The following RHOBTB2 variants were observed in gnomAD, a reference collection of about 807,000 sequenced individuals.
RHOBTB2 encodes Rho related BTB domain containing 2.
RHOBTB2 carries 39 observed loss-of-function variants against 66.5 expected under a neutral mutation model. That is an observed-to-expected ratio of 0.59 (90% CI 0.45 to 0.77). RHOBTB2 has a LOEUF of 0.77. Ranked by LOEUF, RHOBTB2 falls within the 30% of genes least tolerant of loss-of-function variation. The probability of loss-of-function intolerance (pLI) is 0.00; values close to 1 mark genes in which losing one functional copy is unlikely to be tolerated. For synonymous variants in RHOBTB2, 390 were observed against 395.0 expected, an observed-to-expected ratio of 0.99 and a Z score of 0.15; for missense variants, 755 against 999.1, an observed-to-expected ratio of 0.76 and a Z score of 3.29.
the RHOBTB2 span, among the ~76,000 whole-genome samples, chr8:22,954,712 T>C: frequency 1.3e-5 from 2 of 152,294 alleles, no homozygotes; most frequent in Non-Finnish European, 2.9e-5. Flanking sequence ...TTTAGAATAA[T>C]ATGCAGGAGA....
chr8:23,009,989 G>T (rs577583195), intron 6 of RHOBTB2, among the ~76,000 whole-genome samples: 1 of 152,356 alleles, frequency 6.6e-6, no homozygotes, highest in East Asian at 1.9e-4. Flanking sequence ...CAGACAGAAA[G>T]AAATCAGCTG....
intron 6 of RHOBTB2, among the ~76,000 whole-genome samples, chr8:23,008,855 G>A (rs1811049332): frequency 6.6e-6 from 1 of 152,108 alleles, no homozygotes; most frequent in South Asian, 2.1e-4. Context: ...GGGAACAGTG[G>A]CCTGGAGTGT....
At chr8:23,005,838 G>A (rs1441276294) in intron 3 of RHOBTB2, 122 bp from the exon 4 acceptor site, 4 of 831,348 alleles carry the variant, frequency 4.8e-6, no homozygotes, top group African/African-American at 3.4e-5. Flanking sequence ...TGTGTCAAGA[G>A]CACGTGAGCA....
intron 1 of RHOBTB2, among the ~76,000 whole-genome samples, chr8:22,988,153 C>CTTTTTTTT (rs34922844): frequency 2.6e-5 from 2 of 78,110 alleles, no homozygotes; most frequent in Non-Finnish European, 5.1e-5. Flanking sequence ...GCTCCTTCCC[C>CTTTTTTTT]TTTTTTTTTT....
chr8:22,987,281 G>A (rs1431345458), upstream of RHOBTB2: 1 of 152,404 alleles, frequency 6.6e-6, no homozygotes, highest in Non-Finnish European at 1.5e-5. Context: ...TCCGGTCTAG[G>A]TGGTTTATCT....
intron 2 of RHOBTB2, among the ~76,000 whole-genome samples, chr8:22,994,405 C>A (rs957028728): frequency 3.9e-5 from 6 of 152,212 alleles, no homozygotes; most frequent in Non-Finnish European, 8.8e-5. Context: ...GGGTCTCACC[C>A]CGCGCTGGAC....
In RHOBTB2 at chr8:23,010,616, C is replaced by G. The variant is rs774689324; in HGVS notation, c.1699C>G (p.Pro567Ala). ...YLYTGMFTSS[P>A]DLDDMKLIIL... The stretch of plus-strand genomic sequence containing the variant: ...CTACACCGGCATGTTCACCTCCAGC[C>G]CCGACCTGGATGACATGAAGCTCAT... Residue 567 changes from proline (P) to alanine (A), a missense_variant, in exon 7 of 10, where the codon CCC becomes GCC. Pro to Ala is a conservative substitution (Grantham distance 27). Transcript: ENST00000251822. 2.5e-6 allele frequency: 4 copies of G among 1,614,062 alleles called. No homozygotes were observed. The East Asian group carries it at 8.9e-5, about 36-fold the overall frequency.
rs1811368417 is a variant in RHOBTB2, at chr8:23,018,496, G to T, written c.*1027G>T. 6.6e-6 allele frequency: 1 copy of T among 152,332 alleles called. No individual in the cohort carries two copies. Among genetic ancestry groups the T allele is most frequent in the Non-Finnish European group, 1.5e-5 (1 of 68,044 alleles). 9.4% of individuals were successfully genotyped at this position (152,332 alleles called of 1,614,324 possible). On this transcript the variant is annotated 3_prime_UTR_variant, in exon 10 of 10. Coordinates refer to ENST00000251822, the MANE Select transcript of RHOBTB2 (RefSeq NM_015178.3). ...GAGGCCCCCATGATGAGGAGGTGAA[G>T]ATTTAGGTTGCAGAATCGACTCCAA...
upstream of RHOBTB2, among the ~76,000 whole-genome samples, chr8:22,985,866 A>C (rs1810277981): frequency 6.6e-6 from 1 of 152,110 alleles, no homozygotes; most frequent in South Asian, 2.1e-4. Flanking sequence ...GAACCCACTC[A>C]GGCTCTCCCC....
At chr8:22,959,856 TAG>T in the RHOBTB2 span, among the ~76,000 whole-genome samples, 2 of 151,924 alleles carry the variant, frequency 1.3e-5, no homozygotes, top group Non-Finnish European at 2.9e-5. Flanking sequence ...GGACATATTC[TAG>T]AGTTTGTTAC....
the RHOBTB2 span, among the ~76,000 whole-genome samples, chr8:22,957,703 T>G: frequency 6.6e-6 from 1 of 152,200 alleles, no homozygotes; most frequent in Non-Finnish European, 1.5e-5. Context: ...CAACTCAAAA[T>G]TACAAAGTTT....
upstream of RHOBTB2, among the ~76,000 whole-genome samples, chr8:22,982,869 G>A (rs1032980395): frequency 6.6e-6 from 1 of 152,228 alleles, no homozygotes; most frequent in African/African-American, 2.4e-5. Context: ...GTGAGGGCTG[G>A]TTTCTCACAG....
At chr8:22,990,027 A>C (rs977747122) in intron 1 of RHOBTB2, among the ~76,000 whole-genome samples, 3 of 152,154 alleles carry the variant, frequency 2.0e-5, no homozygotes, top group Admixed American at 1.3e-4. Context: ...ATGCAGCACA[A>C]TCCCGGGCAT....
the RHOBTB2 span, among the ~76,000 whole-genome samples, chr8:22,975,400 G>C: frequency 6.6e-6 from 1 of 152,150 alleles, no homozygotes; most frequent in Non-Finnish European, 1.5e-5. Flanking sequence ...AGGGTCCCTT[G>C]ACTCCCTCCC....
chr8:22,963,347 C>T, the RHOBTB2 span, among the ~76,000 whole-genome samples: 1 of 152,140 alleles, frequency 6.6e-6, no homozygotes, highest in Non-Finnish European at 1.5e-5. Flanking sequence ...GTATCTGTTA[C>T]AGAGAAATGA....
chr8:22,999,654 G>T lies in RHOBTB2; in HGVS notation c.-462G>T. The T allele has an allele frequency of 1.6e-6, 2 of 1,242,382 alleles. No individual in the cohort carries two copies. Among genetic ancestry groups the T allele is most frequent in the Non-Finnish European group, 2.1e-6 (2 of 970,248 alleles). The allele number at this position is 1,242,382 out of a possible 1,614,324, so 77.0% of individuals were successfully genotyped here. On this transcript the variant is annotated 5_prime_UTR_variant, in exon 1 of 10. It removes an upstream start codon present in the reference 5' UTR. Coordinates refer to ENST00000251822, the MANE Select transcript of RHOBTB2 (RefSeq NM_015178.3). The stretch of plus-strand genomic sequence containing the variant: ...TTTTCCCTATCCTTTTTTTGTGAAT[G>T]AAAAAAGGAGGTCGCGAGCGGTACC...
At chr8:22,957,641 G>A in the RHOBTB2 span, among the ~76,000 whole-genome samples, 1 of 152,202 alleles carries the variant, frequency 6.6e-6, no homozygotes. Flanking sequence ...AAAGGACGGA[G>A]TTCATTTCTG....
At chr8:22,988,622 C>G (rs998556644) in intron 1 of RHOBTB2, among the ~76,000 whole-genome samples, 5 of 152,124 alleles carry the variant, frequency 3.3e-5, no homozygotes, top group African/African-American at 7.2e-5. Flanking sequence ...CTCAGCCCCC[C>G]AAATTTTGTT....
chr8:22,992,723 A>C, intron 2 of RHOBTB2, among the ~76,000 whole-genome samples: 1 of 152,222 alleles, frequency 6.6e-6, no homozygotes, highest in Non-Finnish European at 1.5e-5. Context: ...GTTTCACGTC[A>C]TTAAGGGTGG....
Sources: allele counts gnomAD v4.1 joint callset (sites outside exome capture counted in the v4.1 genomes callset), GRCh38; gene constraint gnomAD v4.1.1; transcripts MANE v1.5; gene names NCBI Gene and HGNC (gene_info 2026-07-23, HGNC 2026-07-21).